The following MDFIC2 variants were observed in gnomAD, a reference collection of about 807,000 sequenced individuals.
MDFIC2 encodes the protein myoD family inhibitor domain-containing protein 2.
intron 2 of MDFIC2, among the ~76,000 whole-genome samples, chr3:70,213,774 A>T (rs12492206): frequency 0.15 from 23,206 of 152,116 alleles, 2,523 homozygotes; most frequent in East Asian, 0.55. Flanking sequence ...AAATACAGGA[A>T]ATCATTCAAC....
chr3:70,235,279 C>A (rs899530225), intron 2 of MDFIC2, among the ~76,000 whole-genome samples: 1 of 152,150 alleles, frequency 6.6e-6, no homozygotes, highest in Non-Finnish European at 1.5e-5. Context: ...CCTCTGGATG[C>A]ATTCTTAGGT....
intron 2 of MDFIC2, among the ~76,000 whole-genome samples, chr3:70,290,366 C>T (rs1483680945): frequency 6.6e-6 from 1 of 152,200 alleles, no homozygotes; most frequent in African/African-American, 2.4e-5. Flanking sequence ...CCCAGTTAGG[C>T]TGCTCGGGGG....
intron 2 of MDFIC2, among the ~76,000 whole-genome samples, chr3:70,231,550 AG>A (rs1701560144): frequency 6.6e-6 from 1 of 152,190 alleles, no homozygotes; most frequent in Non-Finnish European, 1.5e-5. Flanking sequence ...ATGACTTGTT[AG>A]TTGTGCTGGA....
intron 2 of MDFIC2, among the ~76,000 whole-genome samples, chr3:70,232,441 C>G (rs188274480): frequency 6.6e-6 from 1 of 150,980 alleles, no homozygotes; most frequent in East Asian, 2.0e-4. Flanking sequence ...CTCGCTCTGT[C>G]GCCAGGCTGG....
intron 2 of MDFIC2, among the ~76,000 whole-genome samples, chr3:70,245,671 TTATATATATA>T (rs34480688): frequency 0.028 from 1,599 of 57,242 alleles, 50 homozygotes; most frequent in African/African-American, 0.081. Flanking sequence ...GCAAACTGCT[TTATATATATA>T]TATATATATA....
chr3:70,301,533 G>A lies in MDFIC2; in HGVS notation c.88+10353C>T, dbSNP rs112820843. Among the ~76,000 whole-genome samples, 1,197 of 152,178 alleles carry A rather than the reference G, an allele frequency of 7.9e-3. 13 individuals carry two copies. The highest frequency in any genetic ancestry group is 0.018 in the South Asian group (85 of 4,828). Reference sequence around the variant, plus strand: ...CCTTGTGTAAGTATGTGTCTTGCAGGAAATGAAAACATTTGTTGATTTCAT... The same window carrying A: ...CCTTGTGTAAGTATGTGTCTTGCAGAAAATGAAAACATTTGTTGATTTCAT... On this transcript the variant is annotated intron_variant, in intron 2 of 3. Coordinates refer to ENST00000567252, the MANE Select transcript of MDFIC2 (RefSeq NM_001364677.1).
intron 2 of MDFIC2, among the ~76,000 whole-genome samples, chr3:70,227,584 C>T (rs1701520062): frequency 6.6e-6 from 1 of 152,264 alleles, no homozygotes; most frequent in African/African-American, 2.4e-5. Context: ...AAAAGTTGAA[C>T]ATAGATTACT....
At chr3:70,256,301 A>C (rs946758175) in intron 2 of MDFIC2, among the ~76,000 whole-genome samples, 3 of 152,206 alleles carry the variant, frequency 2.0e-5, no homozygotes, top group Non-Finnish European at 4.4e-5. Flanking sequence ...ACAGAGAGAA[A>C]TGTACTCGTT....
At chr3:70,288,992 A>G (rs1702198200) in intron 2 of MDFIC2, among the ~76,000 whole-genome samples, 1 of 152,092 alleles carries the variant, frequency 6.6e-6, no homozygotes, top group Non-Finnish European at 1.5e-5. Context: ...CAGCACACTG[A>G]TGGGTCTTAA....
chr3:70,280,546 T>A (rs571675616), intron 2 of MDFIC2, among the ~76,000 whole-genome samples: 2 of 152,122 alleles, frequency 1.3e-5, no homozygotes, highest in African/African-American at 4.8e-5. Flanking sequence ...TTTGCCTGTA[T>A]TGAATGTTGG....
chr3:70,284,879 T>C (rs1702126782), intron 2 of MDFIC2, among the ~76,000 whole-genome samples: 1 of 152,116 alleles, frequency 6.6e-6, no homozygotes, highest in Admixed American at 6.5e-5. Flanking sequence ...AACCTGCACA[T>C]GTACCCCTGA....
At chr3:70,305,892 T>C (rs913071428) in intron 2 of MDFIC2, among the ~76,000 whole-genome samples, 2 of 152,160 alleles carry the variant, frequency 1.3e-5, no homozygotes, top group Non-Finnish European at 2.9e-5. Flanking sequence ...TGCATTATAT[T>C]GAAAAGGGAA....
chr3:70,234,656 G>A (rs1045210772), intron 2 of MDFIC2, among the ~76,000 whole-genome samples: 3 of 148,724 alleles, frequency 2.0e-5, no homozygotes, highest in Non-Finnish European at 3.0e-5. Context: ...AAAAAAAAAA[G>A]TTTCTGGTGC....
chr3:70,232,690 A>T (rs1340238872), intron 2 of MDFIC2, among the ~76,000 whole-genome samples: 1 of 151,836 alleles, frequency 6.6e-6, no homozygotes, highest in African/African-American at 2.4e-5. Flanking sequence ...CATTCCTGAA[A>T]CCCCTCAACA....
intron 2 of MDFIC2, among the ~76,000 whole-genome samples, chr3:70,250,806 T>C (rs960282129): frequency 1.3e-5 from 2 of 152,178 alleles, no homozygotes; most frequent in Non-Finnish European, 2.9e-5. Flanking sequence ...ACATATGCAT[T>C]TCTTCTTCAG....
At chr3:70,264,928 G>A (rs567455488) in intron 2 of MDFIC2, among the ~76,000 whole-genome samples, 1 of 152,306 alleles carries the variant, frequency 6.6e-6, no homozygotes, top group African/African-American at 2.4e-5. Context: ...ACATGGCTGG[G>A]GATGCCTCAC....
chr3:70,245,487 T>C (rs1037940607), intron 2 of MDFIC2, among the ~76,000 whole-genome samples: 3 of 151,558 alleles, frequency 2.0e-5, no homozygotes, highest in South Asian at 2.1e-4. Context: ...CCTCTTTAAA[T>C]GACTTTGTTA....
chr3:70,218,880 GAAC>G (rs1008021947), intron 2 of MDFIC2, among the ~76,000 whole-genome samples: 5 of 152,164 alleles, frequency 3.3e-5, no homozygotes, highest in African/African-American at 1.2e-4. Context: ...ATGTTGAGGT[GAAC>G]TATTCTGAAT....
At chr3:70,251,738 G>A (rs1484933989) in intron 2 of MDFIC2, among the ~76,000 whole-genome samples, 3 of 152,178 alleles carry the variant, frequency 2.0e-5, no homozygotes, top group Non-Finnish European at 4.4e-5. Flanking sequence ...CTAAGTAGTT[G>A]CTCGTCTAAG....
Sources: gnomAD v4.1 joint callset for allele counts (sites outside exome capture counted in the v4.1 genomes callset) on GRCh38, gnomAD v4.1.1 for gene constraint, MANE v1.5 for transcripts, NCBI Gene and HGNC (gene_info 2026-07-23, HGNC 2026-07-21) for gene names.